Variants in PTPRN2 observed in about 807,000 individuals in gnomAD.
PTPRN2 encodes the protein receptor-type tyrosine-protein phosphatase N2.
A neutral mutation model predicts 118.8 loss-of-function variants in PTPRN2; 74 were observed. The observed-to-expected ratio is 0.62, with a 90% CI of 0.52 to 0.76. The LOEUF (loss-of-function observed/expected upper bound fraction) is 0.76. PTPRN2 is among the 30% of genes least tolerant of loss of function. PTPRN2 has a pLI of 0.00. For missense variants in PTPRN2, 1,481 were observed against 1,394.4 expected, an observed-to-expected ratio of 1.06 and a Z score of -0.99; for synonymous variants, 641 against 608.0, an observed-to-expected ratio of 1.05 and a Z score of -0.80.
Position 158,188,613 on chromosome 7 carries a change from G to A in PTPRN2, c.549+3714C>T, listed in dbSNP as rs1365301768. 3.8e-3 allele frequency among the ~76,000 whole-genome samples: 422 copies of A among 110,958 alleles called. 41 individuals carry two copies. Among genetic ancestry groups the A allele is most frequent in the African/African-American group, 0.014 (406 of 28,332 alleles). The allele number at this position is 110,958 out of a possible 152,430, so 72.8% of individuals were successfully genotyped here. ...GCCCCCTGATGGGGAAGCCCGCCAC[G>A]CTCGCCCCCTGATGGGGAAGGCCGC... On this transcript the variant is annotated intron_variant, in intron 5 of 22. Coordinates refer to ENST00000389418, the MANE Select transcript of PTPRN2 (RefSeq NM_002847.5).
rs897190557 is a variant in PTPRN2 at position 158,517,541 on chromosome 7, C to A, written c.113-27756G>T. Among the ~76,000 whole-genome samples, 15 of 152,142 alleles carry A rather than the reference C, an allele frequency of 9.9e-5. No homozygotes were observed. Among genetic ancestry groups the A allele is most frequent in the African/African-American group, 3.4e-4 (14 of 41,422 alleles). ...CCGTTCCACCTCCTCACTGGCCTCG[C>A]TGCCCCTCTGCAATCTCCTCCAACA... On this transcript the variant is annotated intron_variant, in intron 1 of 22. Transcript: ENST00000389418. This position sits in a 1 kb window ranked among gnomAD's most constrained non-coding sequence, Gnocchi z 5.3.
intron 11 of PTPRN2, among the ~76,000 whole-genome samples, chr7:158,061,599 G>A (rs1391167596): frequency 6.6e-6 from 1 of 152,216 alleles, no homozygotes; most frequent in African/African-American, 2.4e-5. Flanking sequence ...TGTCGTCCGT[G>A]AGCACACTGG....
At chr7:157,727,331 G>C (rs1400804775) in intron 12 of PTPRN2, among the ~76,000 whole-genome samples, 1 of 152,200 alleles carries the variant, frequency 6.6e-6, no homozygotes, top group African/African-American at 2.4e-5. Context: ...GCATAACATG[G>C]GGAGTCCTGA....
intron 12 of PTPRN2, among the ~76,000 whole-genome samples, chr7:157,697,896 G>A (rs1797884269): frequency 6.7e-6 from 1 of 149,978 alleles, no homozygotes; most frequent in Non-Finnish European, 1.5e-5. Flanking sequence ...TCTTGGCAGA[G>A]CCCTCACCAT....
chr7:158,445,634 G>A (rs911192509), intron 2 of PTPRN2, among the ~76,000 whole-genome samples: 2 of 152,232 alleles, frequency 1.3e-5, no homozygotes, highest in Non-Finnish European at 2.9e-5. Context: ...GTGGGCAAAG[G>A]TGCAGGGCTG....
chr7:157,905,380 G>A (rs1584990744), intron 11 of PTPRN2, among the ~76,000 whole-genome samples: 1 of 152,220 alleles, frequency 6.6e-6, no homozygotes, highest in East Asian at 1.9e-4. Context: ...AGGCCAGGGC[G>A]TGGAGACAGT....
At chr7:158,055,542 G>A (rs1171349609) in intron 11 of PTPRN2, among the ~76,000 whole-genome samples, 4 of 152,184 alleles carry the variant, frequency 2.6e-5, no homozygotes, top group Non-Finnish European at 5.9e-5. Context: ...CAGTGGTCAC[G>A]CTCCTAGTCC....
chr7:158,461,626 A>G (rs980988802), intron 2 of PTPRN2, among the ~76,000 whole-genome samples: 41 of 152,292 alleles, frequency 2.7e-4, no homozygotes, highest in African/African-American at 8.7e-4. Context: ...AAAGCACTCA[A>G]ATTCATTCTG....
intron 2 of PTPRN2, among the ~76,000 whole-genome samples, chr7:158,355,552 A>C (rs1018722047): frequency 6.6e-6 from 1 of 152,248 alleles, no homozygotes; most frequent in Admixed American, 6.5e-5. Flanking sequence ...GGCCACCAGC[A>C]ACAACGGCAG....
chr7:158,112,381 G>GC (rs1222040162), intron 9 of PTPRN2, among the ~76,000 whole-genome samples: 4 of 152,198 alleles, frequency 2.6e-5, no homozygotes, highest in African/African-American at 9.7e-5. Context: ...AGGCAAGGGG[G>GC]CCGCGGTGCC....
chr7:158,539,455 A>C (rs1430518747), intron 1 of PTPRN2: 1 of 152,280 alleles, frequency 6.6e-6, no homozygotes, highest in Non-Finnish European at 1.5e-5. Flanking sequence ...AGAACATCTG[A>C]CCCTGGCCCA....
intron 3 of PTPRN2, among the ~76,000 whole-genome samples, chr7:158,274,536 G>C (rs2150979782): frequency 6.6e-6 from 1 of 152,190 alleles, no homozygotes; most frequent in South Asian, 2.1e-4. Flanking sequence ...CAGGCACAGG[G>C]GGAGCCACAG....
At chr7:158,249,120 T>C (rs1796480670) in intron 3 of PTPRN2, among the ~76,000 whole-genome samples, 1 of 148,918 alleles carries the variant, frequency 6.7e-6, no homozygotes. Context: ...CACATGAACA[T>C]GCCACACACA....
intron 12 of PTPRN2, among the ~76,000 whole-genome samples, chr7:157,820,153 G>GCA (rs1228553818): frequency 7.9e-6 from 1 of 127,290 alleles, no homozygotes; most frequent in Non-Finnish European, 1.7e-5. Flanking sequence ...CCCCACACAC[G>GCA]CACACACATA....
intron 5 of PTPRN2, among the ~76,000 whole-genome samples, chr7:158,167,663 A>G (rs12532930): frequency 0.86 from 131,231 of 152,258 alleles, 56,674 homozygotes; most frequent in African/African-American, 0.89. Context: ...CAGTGTTCCC[A>G]TTCCTCCCTC....
At chr7:158,524,321 G>A (rs1182298519) in intron 1 of PTPRN2, among the ~76,000 whole-genome samples, 1 of 77,056 alleles carries the variant, frequency 1.3e-5, no homozygotes, top group African/African-American at 4.8e-5. Context: ...CCCTGGAGTG[G>A]AGTCTGCCCT....
At chr7:158,537,279 A>T (rs1452206238) in intron 1 of PTPRN2, among the ~76,000 whole-genome samples, 1 of 152,236 alleles carries the variant, frequency 6.6e-6, no homozygotes, top group East Asian at 1.9e-4. Context: ...AATTAGGATA[A>T]CTGGAGAGGG....
chr7:158,163,449 C>G (rs12698161), intron 6 of PTPRN2, among the ~76,000 whole-genome samples: 13 of 147,570 alleles, frequency 8.8e-5, no homozygotes, highest in East Asian at 6.0e-4. Context: ...ACGCCTGTAC[C>G]GGGTTCTCAA....
chr7:158,367,225 G>A (rs1377269321), intron 2 of PTPRN2, among the ~76,000 whole-genome samples: 1 of 152,204 alleles, frequency 6.6e-6, no homozygotes, highest in African/African-American at 2.4e-5. Context: ...CAGCTGAATT[G>A]GGAAGTATGG....
Sources: gnomAD v4.1 joint callset for allele counts (sites outside exome capture counted in the v4.1 genomes callset) on GRCh38, gnomAD v4.1.1 for gene constraint, Gnocchi (gnomAD v3.1) non-coding constraint, MANE v1.5 for transcripts, NCBI Gene and HGNC (gene_info 2026-07-23, HGNC 2026-07-21) for gene names.